The following TYW1 variants were observed in gnomAD, a reference collection of about 807,000 sequenced individuals.
The protein encoded by TYW1 is tRNA-yW synthesizing protein 1 homolog.
In TYW1, 46 loss-of-function variants were observed where a neutral mutation model predicts 96.2. The observed-to-expected ratio is 0.48, with a 90% CI of 0.38 to 0.61. The LOEUF (loss-of-function observed/expected upper bound fraction) is 0.61, where lower values mean the gene tolerates loss of function less well. TYW1 is among the 20% of genes least tolerant of loss of function. The pLI, the probability that TYW1 is intolerant of heterozygous loss-of-function variation, is 0.00. For synonymous variants in TYW1, 274 were observed against 323.0 expected (o/e 0.85, Z 1.63); for missense variants, 684 against 909.6 (o/e 0.75, Z 3.19).
chr7:67,179,989 C>T lies in TYW1; in HGVS notation c.1699-3137C>T, dbSNP rs1415137875. On this transcript the variant is annotated intron_variant, in intron 13 of 15. Transcript: ENST00000359626. ...AAGCAATCCTCCTGCTTCAGCCATG[C>T]CCAGCTGTTGTATTTTTTGTAGTGA... is the stretch of plus-strand genomic sequence containing the variant. 3.1e-5 allele frequency among the ~76,000 whole-genome samples: 4 copies of T among 128,344 alleles called. 1 individual carries two copies. Among genetic ancestry groups the T allele is most frequent in the African/African-American group, 1.3e-4 (4 of 30,394 alleles). 84.2% of individuals were successfully genotyped at this position (128,344 alleles called of 152,430 possible).
At chr7:67,211,598 A>C (rs1349889161) in intron 15 of TYW1, among the ~76,000 whole-genome samples, 3 of 152,160 alleles carry the variant, frequency 2.0e-5, no homozygotes, top group African/African-American at 7.2e-5. Flanking sequence ...ATTTCTGTCT[A>C]TACCTATATT....
At chr7:67,177,568 C>T (rs1375136787) in intron 13 of TYW1, among the ~76,000 whole-genome samples, 2 of 152,168 alleles carry the variant, frequency 1.3e-5, no homozygotes, top group Non-Finnish European at 2.9e-5. Context: ...TGAACCAGTA[C>T]TTCACAAAAA....
rs35267163 is a variant in TYW1 at position 66,998,208 on chromosome 7, A to AT, written c.135+23dup. On this transcript the variant is annotated intron_variant, in intron 2 of 15. Transcript: ENST00000359626. ...CATCAAGACGCAGGTAAGTGGAGTT[A>AT]TTTTTTTTTTAATGGAGTATTTAGG... 0.22 allele frequency: 303,946 copies of AT among 1,357,210 alleles called. 13,803 individuals carry two copies. Among genetic ancestry groups the AT allele is most frequent in the African/African-American group, 0.28 (18,792 of 67,738 alleles). The allele number at this position is 1,357,210 out of a possible 1,614,324, so 84.1% of individuals were successfully genotyped here. A position where few individuals can be genotyped will look rare whatever the true frequency, so the allele number is the denominator to read the frequency against.
At chr7:67,040,211 G>T (rs1045061232) in intron 7 of TYW1, among the ~76,000 whole-genome samples, 41 of 152,266 alleles carry the variant, frequency 2.7e-4, no homozygotes, top group African/African-American at 9.9e-4. Context: ...GCCCGCCTTG[G>T]CCTCCCAAAG....
At chr7:67,179,486 AT>A (rs1039776121) in intron 13 of TYW1, among the ~76,000 whole-genome samples, 1 of 134,710 alleles carries the variant, frequency 7.4e-6, no homozygotes, top group Non-Finnish European at 1.6e-5. Context: ...ACTTCAGGCA[AT>A]TTACTTAACA....
intron 15 of TYW1, among the ~76,000 whole-genome samples, chr7:67,197,470 C>T (rs34146912): frequency 0.25 from 38,157 of 152,012 alleles, 4,969 homozygotes; most frequent in African/African-American, 0.3. Flanking sequence ...GGACTACAGG[C>T]GTGAGCCACC....
intron 12 of TYW1, among the ~76,000 whole-genome samples, chr7:67,099,731 G>A (rs532456670): frequency 1.3e-5 from 2 of 152,310 alleles, no homozygotes; most frequent in Non-Finnish European, 2.9e-5. Flanking sequence ...AGCCAGGCGC[G>A]GTGGCTCATG....
At chr7:67,036,779 G>A (rs1032430256) in intron 7 of TYW1, among the ~76,000 whole-genome samples, 5 of 152,242 alleles carry the variant, frequency 3.3e-5, no homozygotes, top group Non-Finnish European at 7.3e-5. Flanking sequence ...AGACATGAGA[G>A]ACAAATAGAG....
chr7:67,016,502 G>A (rs556283200), intron 5 of TYW1, among the ~76,000 whole-genome samples: 8 of 152,034 alleles, frequency 5.3e-5, no homozygotes, highest in African/African-American at 1.7e-4. Context: ...AGCCGAGGTC[G>A]TGCCATTGCA....
intron 15 of TYW1, among the ~76,000 whole-genome samples, chr7:67,198,282 C>T (rs1468036786): frequency 1.3e-5 from 2 of 152,162 alleles, no homozygotes; most frequent in Non-Finnish European, 2.9e-5. Context: ...TGTGGTGGCT[C>T]ATGCCTGTAA....
intron 15 of TYW1, among the ~76,000 whole-genome samples, chr7:67,208,242 G>A (rs35669114): frequency 0.27 from 40,706 of 151,802 alleles, 5,811 homozygotes; most frequent in African/African-American, 0.36. Context: ...GATCGCTTGA[G>A]CCTGGGAGAC....
chr7:67,167,683 T>G lies in TYW1; in HGVS notation c.1699-15443T>G, dbSNP rs1799383436. 3.3e-5 allele frequency among the ~76,000 whole-genome samples: 5 copies of G among 152,066 alleles called. No individual in the cohort carries two copies. The South Asian group carries it at 1.0e-3, about 31-fold the overall frequency. ...AAAACAATCCTTTCCTGCCCTGTTCTGCAGTGTCAGTTTTGTCATAAATTA... is the reference window on the plus strand; with the variant it reads ...AAAACAATCCTTTCCTGCCCTGTTCGGCAGTGTCAGTTTTGTCATAAATTA... On this transcript the variant is annotated intron_variant, in intron 13 of 15. Transcript: ENST00000359626.
intron 7 of TYW1, among the ~76,000 whole-genome samples, chr7:67,040,250 G>C (rs191289235): frequency 6.6e-6 from 1 of 152,254 alleles, no homozygotes; most frequent in Admixed American, 6.5e-5. Flanking sequence ...GCCTGGCCTT[G>C]CTTAAACATT....
chr7:67,193,868 G>GTA (rs1800304065), intron 14 of TYW1, among the ~76,000 whole-genome samples: 1 of 151,772 alleles, frequency 6.6e-6, no homozygotes, highest in African/African-American at 2.4e-5. Context: ...GTGTGTGTGT[G>GTA]TGTGAGTGAA....
intron 15 of TYW1, among the ~76,000 whole-genome samples, chr7:67,236,612 A>G (rs1801898740): frequency 6.6e-6 from 1 of 152,198 alleles, no homozygotes; most frequent in Non-Finnish European, 1.5e-5. Flanking sequence ...TAAATTTTAC[A>G]TCTTGGGTTG....
At chr7:67,082,239 G>A (rs1563003092) in intron 10 of TYW1, among the ~76,000 whole-genome samples, 2 of 152,090 alleles carry the variant, frequency 1.3e-5, no homozygotes, top group East Asian at 3.9e-4. Flanking sequence ...TGGTATAACA[G>A]TCACCCCTTC....
intron 7 of TYW1, among the ~76,000 whole-genome samples, chr7:67,034,745 A>G (rs978626033): frequency 1.3e-5 from 2 of 152,324 alleles, no homozygotes; most frequent in Admixed American, 1.3e-4. Context: ...GCTCTTGTTC[A>G]TTAACATTCA....
chr7:67,172,535 C>G (rs1799548193), intron 13 of TYW1, among the ~76,000 whole-genome samples: 1 of 151,882 alleles, frequency 6.6e-6, no homozygotes, highest in Admixed American at 6.6e-5. Flanking sequence ...ATTCTCCTGC[C>G]TGAGCCTCCC....
rs1230805926 is a variant in TYW1, at chr7:67,009,648, A to G, written c.339A>G (p.Leu113=). 3 of 1,611,838 alleles carry G rather than the reference A, an allele frequency of 1.9e-6. No individual in the cohort carries two copies. The East Asian group carries it at 6.7e-5, about 36-fold the overall frequency. ...SLDLPVAIIN[L]KEYDPDDHLI... ...ATCTGCCTGTGGCCATTATTAATCT[A>G]AAAGAATATGATCCAGATGATCATC... is the stretch of plus-strand genomic sequence containing the variant. Residue 113 remains leucine (L), a synonymous_variant, in exon 4 of 16, where the codon CTA becomes CTG. Transcript: ENST00000359626.
Sources: gnomAD v4.1 joint callset for allele counts (sites outside exome capture counted in the v4.1 genomes callset) on GRCh38, gnomAD v4.1.1 for gene constraint, MANE v1.5 for transcripts, NCBI Gene and HGNC (gene_info 2026-07-23, HGNC 2026-07-21) for gene names.